SYNDIG1: variants seen among roughly 807,000 people sequenced by gnomAD.
SYNDIG1 encodes synapse differentiation inducing 1.
A neutral mutation model predicts 19.4 loss-of-function variants in SYNDIG1; 9 were observed. The ratio of observed to expected loss-of-function variants is 0.46; its 90% CI spans 0.28 to 0.81. The LOEUF (loss-of-function observed/expected upper bound fraction) is 0.81. SYNDIG1 is among the 30% of genes least tolerant of loss of function. The probability of loss-of-function intolerance (pLI) is 0.12; values close to 1 mark genes in which losing one functional copy is unlikely to be tolerated. For missense variants in SYNDIG1, 311 were observed against 343.3 expected, an observed-to-expected ratio of 0.91 and a Z score of 0.74; for synonymous variants, 141 against 145.9, an observed-to-expected ratio of 0.97 and a Z score of 0.24.
At chr20:24,476,925 A>G (rs2055644666) in intron 1 of SYNDIG1, among the ~76,000 whole-genome samples, 2 of 151,792 alleles carry the variant, frequency 1.3e-5, no homozygotes, top group Admixed American at 1.3e-4. Context: ...CCTCTTGTGT[A>G]ACATTCATTG....
intron 3 of SYNDIG1, among the ~76,000 whole-genome samples, chr20:24,631,509 G>C (rs1240314032): frequency 6.6e-6 from 1 of 152,174 alleles, no homozygotes; most frequent in East Asian, 1.9e-4. Flanking sequence ...CCTCATTCTT[G>C]AACCAATTTA....
rs115149016 is a variant in SYNDIG1 at position 24,487,612 on chromosome 20, C to T, written c.-79+17859C>T. Among the ~76,000 whole-genome samples, 420 of 152,328 alleles carry T rather than the reference C, an allele frequency of 2.8e-3. 1 individual carries two copies. Among genetic ancestry groups the T allele is most frequent in the African/African-American group, 9.8e-3 (408 of 41,578 alleles). On this transcript the variant is annotated intron_variant, in intron 1 of 3. Transcript: ENST00000376862. ...GTGTCCACATGGAAATGCACCCCCACGTGCACACAGATGTGTATGTGTACA... is the reference window on the plus strand; with the variant it reads ...GTGTCCACATGGAAATGCACCCCCATGTGCACACAGATGTGTATGTGTACA...
chr20:24,471,134 G>C (rs931089853), intron 1 of SYNDIG1, among the ~76,000 whole-genome samples: 4 of 152,074 alleles, frequency 2.6e-5, no homozygotes, highest in Admixed American at 6.5e-5. Flanking sequence ...GTAGACCTGC[G>C]CCTGTGGGGT....
At chr20:24,489,983 G>A (rs571205479) in intron 1 of SYNDIG1, among the ~76,000 whole-genome samples, 1 of 152,336 alleles carries the variant, frequency 6.6e-6, no homozygotes, top group Non-Finnish European at 1.5e-5. Flanking sequence ...ATCTGTGTGT[G>A]GCCCCCGAGC....
intron 2 of SYNDIG1, among the ~76,000 whole-genome samples, chr20:24,579,127 T>C (rs966182548): frequency 2.0e-5 from 3 of 152,212 alleles, no homozygotes; most frequent in Admixed American, 1.3e-4. Flanking sequence ...GGGGTTCGTG[T>C]TCCAGTCCAG....
chr20:24,546,157 A>G (rs1419552363), intron 2 of SYNDIG1, among the ~76,000 whole-genome samples: 1 of 152,240 alleles, frequency 6.6e-6, no homozygotes, highest in Non-Finnish European at 1.5e-5. Flanking sequence ...AGATTTTCTC[A>G]GAAACATTCT....
At chr20:24,515,743 T>C (rs572808396) in intron 1 of SYNDIG1, among the ~76,000 whole-genome samples, 2 of 152,130 alleles carry the variant, frequency 1.3e-5, no homozygotes, top group Admixed American at 6.6e-5. Flanking sequence ...GAATCAATAT[T>C]GTGAAAATGG....
At chr20:24,601,517 T>C (rs1476459014) in intron 3 of SYNDIG1, among the ~76,000 whole-genome samples, 1 of 152,198 alleles carries the variant, frequency 6.6e-6, no homozygotes, top group Non-Finnish European at 1.5e-5. Context: ...GTTTCTCATA[T>C]CGGTTATGGC....
chr20:24,574,386 G>T (rs2058193951), intron 2 of SYNDIG1, among the ~76,000 whole-genome samples: 1 of 152,060 alleles, frequency 6.6e-6, no homozygotes, highest in African/African-American at 2.4e-5. Flanking sequence ...CTACTCAGGA[G>T]GCTGAAGCAG....
chr20:24,584,077 T>C (rs1373144831), intron 2 of SYNDIG1, among the ~76,000 whole-genome samples: 1 of 152,146 alleles, frequency 6.6e-6, no homozygotes, highest in Non-Finnish European at 1.5e-5. Flanking sequence ...TGTGCCCAGC[T>C]TCACCCTGAT....
chr20:24,584,645 G>A (rs1348197828), intron 2 of SYNDIG1, among the ~76,000 whole-genome samples: 1 of 152,174 alleles, frequency 6.6e-6, no homozygotes, highest in East Asian at 1.9e-4. Flanking sequence ...TTATTTTCCT[G>A]CTCTTGGCAA....
intron 2 of SYNDIG1, among the ~76,000 whole-genome samples, chr20:24,580,366 G>A (rs2058301369): frequency 6.6e-6 from 1 of 152,000 alleles, no homozygotes; most frequent in African/African-American, 2.4e-5. Flanking sequence ...AAAGAGCTGG[G>A]GTGTTTTTGT....
At chr20:24,491,584 C>T (rs1289631646) in intron 1 of SYNDIG1, 1 of 152,286 alleles carries the variant, frequency 6.6e-6, no homozygotes, top group Admixed American at 6.5e-5. Context: ...CAAGGTCCGT[C>T]ACGTTCCTGA....
intron 1 of SYNDIG1, among the ~76,000 whole-genome samples, chr20:24,474,797 G>T (rs2055569411): frequency 1.3e-5 from 2 of 152,274 alleles, no homozygotes; most frequent in East Asian, 1.9e-4. Context: ...TCTATCACTT[G>T]GCCTCACTGG....
At chr20:24,586,731 C>A (rs6036843) in intron 3 of SYNDIG1, among the ~76,000 whole-genome samples, 62,006 of 152,074 alleles carry the variant, frequency 0.41, 13,223 homozygotes, top group African/African-American at 0.49. Context: ...TGAGGCATCC[C>A]TGTAAAAGTG....
At chr20:24,519,669 T>C (rs2056961663) in intron 1 of SYNDIG1, among the ~76,000 whole-genome samples, 1 of 152,216 alleles carries the variant, frequency 6.6e-6, no homozygotes, top group Non-Finnish European at 1.5e-5. Flanking sequence ...TTATTATTGA[T>C]ACAGAGAATG....
intron 1 of SYNDIG1, among the ~76,000 whole-genome samples, chr20:24,475,251 G>A (rs540404369): frequency 6.6e-6 from 1 of 152,350 alleles, no homozygotes; most frequent in South Asian, 2.1e-4. Context: ...AGCCATGCTG[G>A]GGAGTGGCCT....
chr20:24,598,826 C>A (rs76839274), intron 3 of SYNDIG1, among the ~76,000 whole-genome samples: 1 of 152,044 alleles, frequency 6.6e-6, no homozygotes, highest in African/African-American at 2.4e-5. Flanking sequence ...TTTCATCATA[C>A]GCAAAAATCA....
chr20:24,649,313 G>A lies in SYNDIG1; in HGVS notation c.619-16033G>A, dbSNP rs531010977. 2.6e-5 allele frequency among the ~76,000 whole-genome samples: 4 copies of A among 152,284 alleles called. No individual in the cohort carries two copies. The South Asian group carries it at 8.3e-4, about 32-fold the overall frequency. ...ATTCAGTTTATAATTTTCTTTGGTG[G>A]TTCCATTGAGATCTAAGATTTTCTT... On this transcript the variant is annotated intron_variant, in intron 3 of 3. Transcript: ENST00000376862.
Sources: gnomAD v4.1 joint callset for allele counts (sites outside exome capture counted in the v4.1 genomes callset) on GRCh38, gnomAD v4.1.1 for gene constraint, MANE v1.5 for transcripts, NCBI Gene and HGNC (gene_info 2026-07-23, HGNC 2026-07-21) for gene names.